The following LHFPL3 variants were observed in gnomAD, a reference collection of about 807,000 sequenced individuals.
The protein encoded by LHFPL3 is LHFPL tetraspan subfamily member 3.
LHFPL3 carries 5 observed loss-of-function variants against 19.3 expected under a neutral mutation model. The ratio of observed to expected loss-of-function variants is 0.26; its 90% CI spans 0.14 to 0.54. LHFPL3 has a LOEUF of 0.54. Among genes scored for constraint, LHFPL3 ranks in the 20% least tolerant of loss-of-function variants. LHFPL3 has a pLI of 0.94. For missense variants in LHFPL3, 249 were observed against 307.4 expected (o/e 0.81, Z 1.42); for synonymous variants, 133 against 126.2 (o/e 1.05, Z -0.36).
intron 2 of LHFPL3, among the ~76,000 whole-genome samples, chr7:104,898,412 C>T (rs1193589385): frequency 2.6e-5 from 4 of 152,170 alleles, no homozygotes; most frequent in Non-Finnish European, 5.9e-5. Flanking sequence ...CCATTTATTA[C>T]ATATAGTGCA....
rs10253341 is a variant in LHFPL3 at position 104,907,819 on chromosome 7, G to C, written c.*1604G>C. ...TTCCTATTTTAGCCAAATGTTTCTGGTACGGGCCATCTTTTCACCATAAAT... is the reference window on the plus strand; with the variant it reads ...TTCCTATTTTAGCCAAATGTTTCTGCTACGGGCCATCTTTTCACCATAAAT... On this transcript the variant is annotated 3_prime_UTR_variant, in exon 3 of 3. Coordinates refer to ENST00000424859, the MANE Select transcript of LHFPL3 (RefSeq NM_199000.3). Among the ~76,000 whole-genome samples the C allele has an allele frequency of 0.24, 36,603 of 152,016 alleles. 5,574 individuals are homozygous for C. The highest frequency in any genetic ancestry group is 0.45 in the East Asian group (2,306 of 5,178).
intron 1 of LHFPL3, among the ~76,000 whole-genome samples, chr7:104,715,323 T>C (rs58512957): frequency 0.036 from 5,434 of 152,328 alleles, 326 homozygotes; most frequent in African/African-American, 0.12. Flanking sequence ...TCTTAAACTT[T>C]GTTCTACTTC....
At chr7:104,730,505 G>C (rs1231708044) in intron 1 of LHFPL3, among the ~76,000 whole-genome samples, 2 of 152,210 alleles carry the variant, frequency 1.3e-5, no homozygotes, top group Non-Finnish European at 1.5e-5. Flanking sequence ...GTGATGGTGA[G>C]CATTTTTTCA....
At chr7:104,858,885 C>A (rs1402588903) in intron 2 of LHFPL3, among the ~76,000 whole-genome samples, 2 of 151,944 alleles carry the variant, frequency 1.3e-5, no homozygotes, top group African/African-American at 2.4e-5. Flanking sequence ...TATAACAGTG[C>A]AGGACCACTA....
intron 2 of LHFPL3, among the ~76,000 whole-genome samples, chr7:104,755,191 A>C (rs931145239): frequency 1.3e-5 from 2 of 152,142 alleles, no homozygotes; most frequent in Admixed American, 1.3e-4. Flanking sequence ...AATGTCTTCC[A>C]GGTGATGACA....
chr7:104,587,901 G>A (rs558180614), intron 1 of LHFPL3, among the ~76,000 whole-genome samples: 12 of 152,086 alleles, frequency 7.9e-5, no homozygotes, highest in African/African-American at 1.4e-4. Context: ...CATGTCTTTC[G>A]GCTGCATAAA....
chr7:104,399,315 C>T lies in LHFPL3; in HGVS notation c.445+70091C>T, dbSNP rs1383279810. ...TGGGTGTTTGGGGCAGTTTTACTTT[C>T]ATTGGGTAAGTTACGATTAAATGTA... is the stretch of plus-strand genomic sequence containing the variant. On this transcript the variant is annotated intron_variant, in intron 1 of 2. Transcript: ENST00000424859. The surrounding 1 kb of genome is among the most constrained non-coding windows in gnomAD (Gnocchi z 4.4). Among the ~76,000 whole-genome samples the T allele has an allele frequency of 6.6e-6, 1 of 152,130 alleles. No individual in the cohort carries two copies.
intron 2 of LHFPL3, among the ~76,000 whole-genome samples, chr7:104,749,598 C>T (rs747753212): frequency 1.3e-5 from 2 of 151,548 alleles, no homozygotes; most frequent in African/African-American, 2.4e-5. Flanking sequence ...GAGGGCAACC[C>T]GGGTTGGAGA....
At chr7:104,549,207 G>C (rs1024858792) in intron 1 of LHFPL3, among the ~76,000 whole-genome samples, 2 of 152,106 alleles carry the variant, frequency 1.3e-5, no homozygotes, top group African/African-American at 4.8e-5. Context: ...GGCTGCTGAA[G>C]ATTCCAGACC....
At chr7:104,566,138 G>T (rs1158025775) in intron 1 of LHFPL3, among the ~76,000 whole-genome samples, 1 of 152,096 alleles carries the variant, frequency 6.6e-6, no homozygotes, top group Non-Finnish European at 1.5e-5. Flanking sequence ...TTGGGCCCAG[G>T]ACTTTGAGAC....
chr7:104,629,035 T>C (rs1451537791), intron 1 of LHFPL3, among the ~76,000 whole-genome samples: 2 of 152,210 alleles, frequency 1.3e-5, no homozygotes, highest in African/African-American at 4.8e-5. Context: ...ACCATGTTGC[T>C]TTCTGTTCAA....
chr7:104,576,976 G>A (rs140090148), intron 1 of LHFPL3, among the ~76,000 whole-genome samples: 48 of 152,212 alleles, frequency 3.2e-4, no homozygotes, highest in African/African-American at 1.1e-3. Context: ...TGGGCCTTGG[G>A]CTCTATCTCC....
chr7:104,529,296 C>G (rs1794247440), intron 1 of LHFPL3, among the ~76,000 whole-genome samples: 1 of 152,186 alleles, frequency 6.6e-6, no homozygotes, highest in Non-Finnish European at 1.5e-5. Context: ...CCAGATTTCT[C>G]ACAGATAGGC....
intron 1 of LHFPL3, among the ~76,000 whole-genome samples, chr7:104,454,976 G>C (rs1451876233): frequency 6.6e-6 from 1 of 152,150 alleles, no homozygotes; most frequent in Non-Finnish European, 1.5e-5. Flanking sequence ...TGTATAGCCT[G>C]CCCCTTCCAT....
chr7:104,562,588 A>G (rs1467117150), intron 1 of LHFPL3, among the ~76,000 whole-genome samples: 1 of 151,548 alleles, frequency 6.6e-6, no homozygotes, highest in Non-Finnish European at 1.5e-5. Flanking sequence ...ATTCTTCTAA[A>G]TTTTTTTCAA....
chr7:104,551,727 T>C (rs1794665473), intron 1 of LHFPL3, among the ~76,000 whole-genome samples: 1 of 151,990 alleles, frequency 6.6e-6, no homozygotes. Flanking sequence ...CCTACTTAAA[T>C]TAAAGATATT....
chr7:104,555,878 C>A lies in LHFPL3; in HGVS notation c.446-180797C>A, dbSNP rs575824732. On this transcript the variant is annotated intron_variant, in intron 1 of 2. Transcript: ENST00000424859. ...AGATATAATGGGGGTACAGGCATTA[C>A]AACCATTCCAAATGGGAGAAATTGA... 2.0e-5 allele frequency among the ~76,000 whole-genome samples: 3 copies of A among 152,278 alleles called. No homozygotes were observed. The East Asian group carries it at 5.8e-4, about 29-fold the overall frequency.
chr7:104,703,754 A>G (rs1213520738), intron 1 of LHFPL3, among the ~76,000 whole-genome samples: 2 of 151,962 alleles, frequency 1.3e-5, no homozygotes, highest in Admixed American at 6.6e-5. Flanking sequence ...TCTTTCATTT[A>G]TTTTATTTTA....
rs529209824 is a variant in LHFPL3, at chr7:104,365,985, G to A, written c.445+36761G>A. 1.1e-4 allele frequency among the ~76,000 whole-genome samples: 17 copies of A among 152,194 alleles called. No homozygotes were observed. In the South Asian group the frequency reaches 3.3e-3, roughly 30 times the overall value. ...TTGTAGCAGACCCAGTTGGCATGGC[G>A]TGTTTTTCATTATTTGACACACCAG... On this transcript the variant is annotated intron_variant, in intron 1 of 2. Coordinates refer to ENST00000424859, the MANE Select transcript of LHFPL3 (RefSeq NM_199000.3).
Sources: allele counts gnomAD v4.1 joint callset (sites outside exome capture counted in the v4.1 genomes callset), GRCh38; gene constraint gnomAD v4.1.1; non-coding constraint Gnocchi (gnomAD v3.1); transcripts MANE v1.5; gene names NCBI Gene and HGNC (gene_info 2026-07-23, HGNC 2026-07-21).